The following CTNNA3 variants were observed in gnomAD, a reference collection of about 807,000 sequenced individuals.
CTNNA3 encodes the protein catenin alpha-3.
CTNNA3 carries 76 observed loss-of-function variants against 95.7 expected under a neutral mutation model. The ratio of observed to expected loss-of-function variants is 0.79; its 90% CI spans 0.66 to 0.96. CTNNA3 has a LOEUF of 0.96. CTNNA3 is among the 40% of genes least tolerant of loss of function. The pLI, the probability that CTNNA3 is intolerant of heterozygous loss-of-function variation, is 0.00. For missense variants in CTNNA3, 1,191 were observed against 1,089.8 expected, an observed-to-expected ratio of 1.09 and a Z score of -1.31; for synonymous variants, 431 against 374.4, an observed-to-expected ratio of 1.15 and a Z score of -1.74.
chr10:67,136,416 T>C (rs1316289892), intron 7 of CTNNA3, among the ~76,000 whole-genome samples: 1 of 152,076 alleles, frequency 6.6e-6, no homozygotes, highest in Non-Finnish European at 1.5e-5. Flanking sequence ...TTCTATGTAA[T>C]TAGAATTTTT....
chr10:66,749,875 A>T (rs987850911), intron 9 of CTNNA3, among the ~76,000 whole-genome samples: 2 of 152,126 alleles, frequency 1.3e-5, no homozygotes, highest in Non-Finnish European at 2.9e-5. Flanking sequence ...CCTCACCAAC[A>T]CTTGGTATTG....
intron 5 of CTNNA3, among the ~76,000 whole-genome samples, chr10:67,447,021 C>T (rs956718653): frequency 9.9e-5 from 15 of 152,190 alleles, no homozygotes; most frequent in Non-Finnish European, 1.9e-4. Context: ...AGGAGAATGG[C>T]GTGAACCCAG....
intron 14 of CTNNA3, chr10:66,079,425 A>G (rs2080659236): frequency 6.6e-6 from 1 of 152,016 alleles, no homozygotes; most frequent in Admixed American, 6.6e-5. Context: ...TATAACAACT[A>G]AAGTAAGATT....
At chr10:67,173,855 A>G in intron 7 of CTNNA3, among the ~76,000 whole-genome samples, 1 of 152,188 alleles carries the variant, frequency 6.6e-6, no homozygotes, top group East Asian at 1.9e-4. Flanking sequence ...ACTTCTTGGG[A>G]AAGGATCAGT....
intron 5 of CTNNA3, among the ~76,000 whole-genome samples, chr10:67,448,949 C>T (rs983618792): frequency 6.6e-6 from 1 of 151,072 alleles, no homozygotes; most frequent in Non-Finnish European, 1.5e-5. Context: ...AGTCTCAGCC[C>T]AAAAGGTCCT....
intron 9 of CTNNA3, among the ~76,000 whole-genome samples, chr10:66,720,538 G>A (rs1848594430): frequency 6.6e-6 from 1 of 152,128 alleles, no homozygotes; most frequent in Non-Finnish European, 1.5e-5. Flanking sequence ...GTAGGCAAAG[G>A]AGATCTGCTC....
intron 13 of CTNNA3, among the ~76,000 whole-genome samples, chr10:66,230,941 G>A (rs963101996): frequency 1.3e-5 from 2 of 152,164 alleles, no homozygotes; most frequent in Non-Finnish European, 2.9e-5. Context: ...GAGGTGGAAG[G>A]TCAGCAAGCC....
chr10:67,731,030 A>G (rs1419429471), intron 1 of CTNNA3, among the ~76,000 whole-genome samples: 1 of 152,204 alleles, frequency 6.6e-6, no homozygotes, highest in African/African-American at 2.4e-5. Flanking sequence ...AAAAGCTGAC[A>G]GCTTACATTT....
chr10:66,922,424 G>A (rs1158840645), intron 7 of CTNNA3, among the ~76,000 whole-genome samples: 2 of 152,138 alleles, frequency 1.3e-5, no homozygotes. Context: ...TTTCTCTTGA[G>A]GGACTACTCT....
chr10:66,360,359 T>C (rs2092644820), intron 12 of CTNNA3, among the ~76,000 whole-genome samples: 1 of 152,170 alleles, frequency 6.6e-6, no homozygotes, highest in African/African-American at 2.4e-5. Context: ...ATCTTCATTG[T>C]AGGAAAGGCA....
intron 5 of CTNNA3, among the ~76,000 whole-genome samples, chr10:67,435,155 T>C (rs1414202547): frequency 6.6e-6 from 1 of 152,048 alleles, no homozygotes; most frequent in Non-Finnish European, 1.5e-5. Context: ...TAAAGGTTTC[T>C]TTTTCTATTA....
chr10:66,869,624 G>GT (rs1844316689), intron 7 of CTNNA3, among the ~76,000 whole-genome samples: 1 of 151,884 alleles, frequency 6.6e-6, no homozygotes, highest in South Asian at 2.1e-4. Context: ...CAGAAGGCTG[G>GT]TGCAGGAGGT....
chr10:66,642,279 AAC>A (rs377158480), intron 9 of CTNNA3, among the ~76,000 whole-genome samples: 900 of 61,302 alleles, frequency 0.015, 5 homozygotes, highest in South Asian at 0.099. Flanking sequence ...CACACACACA[AAC>A]ACACACACAC....
At chr10:66,093,185 TTCTC>T (rs1224971694) in intron 14 of CTNNA3, among the ~76,000 whole-genome samples, 1 of 152,002 alleles carries the variant, frequency 6.6e-6, no homozygotes, top group Non-Finnish European at 1.5e-5. Flanking sequence ...ACTTTAATTT[TTCTC>T]TGTCTAGATT....
intron 5 of CTNNA3, among the ~76,000 whole-genome samples, chr10:67,479,307 C>T (rs1848132622): frequency 1.3e-5 from 2 of 152,138 alleles, no homozygotes. Flanking sequence ...ACATTCTTTT[C>T]ACCTGTACAT....
chr10:66,128,608 G>A (rs1002830368), intron 13 of CTNNA3, among the ~76,000 whole-genome samples: 3 of 152,186 alleles, frequency 2.0e-5, no homozygotes, highest in Admixed American at 6.5e-5. Context: ...GCAAATTATG[G>A]AGACAATAAA....
rs569538975 is a variant in CTNNA3 at position 67,011,451 on chromosome 10, A to G, written c.1047+168866T>C. On this transcript the variant is annotated intron_variant, in intron 7 of 17. Coordinates refer to ENST00000433211, the MANE Select transcript of CTNNA3 (RefSeq NM_013266.4). ...AGTGAAAAAACAGAAATTTACCCAT[A>G]GAGTGCAATTAGGAAGCCAGAAAGT... Among the ~76,000 whole-genome samples the G allele has an allele frequency of 9.2e-5, 14 of 152,200 alleles. No individual in the cohort carries two copies. In the East Asian group the frequency reaches 2.7e-3, roughly 29 times the overall value.
chr10:66,714,279 A>G (rs1848385324), intron 9 of CTNNA3, among the ~76,000 whole-genome samples: 1 of 152,148 alleles, frequency 6.6e-6, no homozygotes, highest in Non-Finnish European at 1.5e-5. Context: ...ATGATATTCA[A>G]TTAAATTGCA....
At chr10:66,587,770 T>C (rs1388477219) in intron 10 of CTNNA3, among the ~76,000 whole-genome samples, 1 of 152,124 alleles carries the variant, frequency 6.6e-6, no homozygotes, top group Non-Finnish European at 1.5e-5. Flanking sequence ...GGGTTCCAGG[T>C]AGTCTGTACG....
Sources: allele counts gnomAD v4.1 joint callset (sites outside exome capture counted in the v4.1 genomes callset), GRCh38; gene constraint gnomAD v4.1.1; transcripts MANE v1.5; gene names NCBI Gene and HGNC (gene_info 2026-07-23, HGNC 2026-07-21).